The following ARHGEF28 variants were observed in gnomAD, a reference collection of about 807,000 sequenced individuals.
ARHGEF28 encodes the protein Rho guanine nucleotide exchange factor 28, also known as 190 kDa guanine nucleotide exchange factor.
ARHGEF28 carries 152 observed loss-of-function variants against 206.6 expected under a neutral mutation model. The ratio of observed to expected loss-of-function variants is 0.74; its 90% CI spans 0.64 to 0.84. The LOEUF (loss-of-function observed/expected upper bound fraction) is 0.84, where lower values mean the gene tolerates loss of function less well. ARHGEF28 is among the 40% of genes least tolerant of loss of function. The probability of loss-of-function intolerance (pLI) is 0.00; values close to 1 mark genes in which losing one functional copy is unlikely to be tolerated. For missense variants in ARHGEF28, 2,028 were observed against 2,073.2 expected (o/e 0.98, Z 0.42); for synonymous variants, 763 against 776.4 (o/e 0.98, Z 0.29).
intron 2 of ARHGEF28, among the ~76,000 whole-genome samples, chr5:73,726,121 A>G (rs1458724973): frequency 6.6e-6 from 1 of 152,140 alleles, no homozygotes; most frequent in African/African-American, 2.4e-5. Flanking sequence ...CCATATCCCT[A>G]AAAGTTTAAA....
chr5:73,914,661 T>A (rs1224475748), intron 35 of ARHGEF28, among the ~76,000 whole-genome samples: 1 of 152,074 alleles, frequency 6.6e-6, no homozygotes, highest in Admixed American at 6.5e-5. Context: ...CCTCCCAAAG[T>A]GTTGGGATTA....
At chr5:73,673,329 T>C (rs1218083660) in intron 1 of ARHGEF28, among the ~76,000 whole-genome samples, 1 of 152,218 alleles carries the variant, frequency 6.6e-6, no homozygotes, top group Non-Finnish European at 1.5e-5. Flanking sequence ...TCCTTCCAAA[T>C]GCAGAAAGTT....
rs148008585 is a variant in ARHGEF28, at chr5:73,642,720, A to G, written c.-12+16398A>G. Reference sequence around the variant, plus strand: ...ACAGTGGGCACACTCCTCTGCTCTCACTCCCAGGGTACAGACAGTAAGGGG... The same window carrying G: ...ACAGTGGGCACACTCCTCTGCTCTCGCTCCCAGGGTACAGACAGTAAGGGG... On this transcript the variant is annotated intron_variant, in intron 1 of 35. Transcript: ENST00000513042. Among the ~76,000 whole-genome samples, 35 of 151,834 alleles carry G rather than the reference A, an allele frequency of 2.3e-4. No individual in the cohort carries two copies. The East Asian group carries it at 6.6e-3, about 29-fold the overall frequency.
At chr5:73,797,528 G>C (rs1754891758) in intron 9 of ARHGEF28, among the ~76,000 whole-genome samples, 1 of 152,166 alleles carries the variant, frequency 6.6e-6, no homozygotes. Flanking sequence ...AGCCTGCCGA[G>C]TAGCTGGGAT....
At chr5:73,810,082 T>C (rs1755756174) in intron 9 of ARHGEF28, among the ~76,000 whole-genome samples, 1 of 152,220 alleles carries the variant, frequency 6.6e-6, no homozygotes, top group Non-Finnish European at 1.5e-5. Flanking sequence ...AGAAACGTGT[T>C]GGTGAGCAAG....
intron 2 of ARHGEF28, among the ~76,000 whole-genome samples, chr5:73,720,935 A>G (rs1203047604): frequency 6.6e-6 from 1 of 152,248 alleles, no homozygotes; most frequent in Non-Finnish European, 1.5e-5. Context: ...CCTGTTCAAA[A>G]TAACGGCTTA....
At chr5:73,749,799 A>G (rs754250990) in intron 2 of ARHGEF28, 38 bp from the exon 3 acceptor site, 52 of 1,610,452 alleles carry the variant, frequency 3.2e-5, no homozygotes, top group Non-Finnish European at 4.2e-5. Context: ...AGCCAGGACA[A>G]GGAAGTCTGA....
intron 12 of ARHGEF28, among the ~76,000 whole-genome samples, chr5:73,848,499 T>A (rs2112592599): frequency 6.6e-6 from 1 of 152,298 alleles, no homozygotes; most frequent in East Asian, 1.9e-4. Context: ...ATTATAAACT[T>A]AAATCATGGT....
At chr5:73,645,797 T>C (rs1342630337) in intron 1 of ARHGEF28, among the ~76,000 whole-genome samples, 1 of 152,134 alleles carries the variant, frequency 6.6e-6, no homozygotes, top group Non-Finnish European at 1.5e-5. Flanking sequence ...TCTGAGAGCC[T>C]GGAGAGTTTC....
At position 73,865,982 on chromosome 5, in the gene ARHGEF28, T is replaced by G; in HGVS notation, c.2121T>G (p.Tyr707Ter). 6.2e-7 allele frequency: 1 copy of G among 1,602,924 alleles called. No homozygotes were observed. The highest frequency in any genetic ancestry group is 8.5e-7 in the Non-Finnish European group (1 of 1,173,814). The change falls in exon 18 of 36, where the codon TAT becomes TAG. Residue 707 changes from tyrosine to a stop codon, truncating the protein, a stop_gained. Coordinates refer to ENST00000513042, the MANE Select transcript of ARHGEF28 (RefSeq NM_001177693.2). LOFTEE classifies it high-confidence loss of function. ...PACTKKFQEK[Y>*]NKNKPQTILG... ...TTTACCAGAAATTCCAAGAGAAATATAACAAGAACAAACCACAGACCATCC... is the reference window on the plus strand; with the variant it reads ...TTTACCAGAAATTCCAAGAGAAATAGAACAAGAACAAACCACAGACCATCC...
chr5:73,914,515 G>A (rs945317635), intron 35 of ARHGEF28, among the ~76,000 whole-genome samples: 2 of 146,450 alleles, frequency 1.4e-5, no homozygotes, highest in African/African-American at 5.1e-5. Context: ...TCCTGCCTCA[G>A]CCTCCTGAGT....
At chr5:73,798,585 C>A (rs1196271360) in intron 9 of ARHGEF28, among the ~76,000 whole-genome samples, 1 of 152,152 alleles carries the variant, frequency 6.6e-6, no homozygotes, top group Non-Finnish European at 1.5e-5. Context: ...AGGGGAGAAT[C>A]ATCAGTTGAA....
At chr5:73,840,316 T>C (rs1757906280) in intron 10 of ARHGEF28, among the ~76,000 whole-genome samples, 164 bp from the exon 11 acceptor site, 1 of 152,144 alleles carries the variant, frequency 6.6e-6, no homozygotes, top group African/African-American at 2.4e-5. Context: ...GGTTTCACCA[T>C]GTTGGCCAGG....
intron 14 of ARHGEF28, among the ~76,000 whole-genome samples, chr5:73,856,600 C>G (rs548927762): frequency 8.6e-5 from 13 of 152,046 alleles, no homozygotes; most frequent in Middle Eastern, 3.4e-3. Context: ...ATAATTTAGT[C>G]TAAGCCTGAT....
At chr5:73,642,643 G>A (rs565845543) in intron 1 of ARHGEF28, among the ~76,000 whole-genome samples, 2 of 151,126 alleles carry the variant, frequency 1.3e-5, no homozygotes, top group East Asian at 1.9e-4. Flanking sequence ...GTTCTTTATC[G>A]GCCTTGATTC....
intron 1 of ARHGEF28, among the ~76,000 whole-genome samples, chr5:73,646,917 A>G (rs1744465746): frequency 6.6e-6 from 1 of 151,886 alleles, no homozygotes; most frequent in African/African-American, 2.4e-5. Flanking sequence ...CGCCATCACT[A>G]GGACATTATG....
intron 27 of ARHGEF28, among the ~76,000 whole-genome samples, chr5:73,892,447 G>A (rs750043382): frequency 2.2e-4 from 34 of 152,060 alleles, no homozygotes; most frequent in Non-Finnish European, 4.3e-4. Flanking sequence ...GCACCCTGCC[G>A]GGCGTTGATG....
intron 26 of ARHGEF28, 60 bp from the exon 27 acceptor site, chr5:73,891,992 T>C: frequency 6.8e-7 from 1 of 1,478,540 alleles, no homozygotes; most frequent in Non-Finnish European, 9.2e-7. Flanking sequence ...GCTCATGTTT[T>C]ACGGAGCCTT....
intron 35 of ARHGEF28, among the ~76,000 whole-genome samples, chr5:73,930,522 T>G (rs1298988335): frequency 6.6e-6 from 1 of 152,174 alleles, no homozygotes; most frequent in Admixed American, 6.5e-5. Context: ...GTACTTTGAG[T>G]GGTTTTCAGA....
Sources: allele counts gnomAD v4.1 joint callset (sites outside exome capture counted in the v4.1 genomes callset), GRCh38; gene constraint gnomAD v4.1.1; transcripts MANE v1.5; gene names NCBI Gene and HGNC (gene_info 2026-07-23, HGNC 2026-07-21).